GABRA4: variants seen among roughly 807,000 people sequenced by gnomAD.
GABRA4 encodes the protein gamma-aminobutyric acid receptor subunit alpha-4.
A neutral mutation model predicts 49.7 loss-of-function variants in GABRA4; 12 were observed. That is an observed-to-expected ratio of 0.24 (90% CI 0.15 to 0.39). The LOEUF is 0.39. Ranked by LOEUF, GABRA4 falls within the 10% of genes least tolerant of loss-of-function variation. The pLI is 1.00. For synonymous variants in GABRA4, 288 were observed against 240.2 expected, an observed-to-expected ratio of 1.20 and a Z score of -1.84; for missense variants, 506 against 686.0, an observed-to-expected ratio of 0.74 and a Z score of 2.93.
At chr4:46,970,736 G>A (rs1170064358) in intron 7 of GABRA4, among the ~76,000 whole-genome samples, 1 of 151,482 alleles carries the variant, frequency 6.6e-6, no homozygotes, top group African/African-American at 2.4e-5. Flanking sequence ...AGCTGCCAGT[G>A]CATTTCTTTT....
At chr4:46,974,503 GTCACTATAATTTAGT>G (rs960943208) in intron 5 of GABRA4, 128 bp from the exon 6 acceptor site, 9 of 904,346 alleles carry the variant, frequency 1.0e-5, no homozygotes, top group Admixed American at 3.3e-5. Flanking sequence ...CTATAATTTA[GTCACTATAATTTAGT>G]TCACTATAAT....
chr4:46,972,026 T>C (rs1722963704), intron 6 of GABRA4, among the ~76,000 whole-genome samples: 2 of 151,642 alleles, frequency 1.3e-5, no homozygotes, highest in African/African-American at 4.8e-5. Flanking sequence ...AGTGGCCTTA[T>C]TCACAAACCA....
intron 6 of GABRA4, among the ~76,000 whole-genome samples, chr4:46,971,989 A>G (rs1722962282): frequency 6.6e-6 from 1 of 151,754 alleles, no homozygotes; most frequent in South Asian, 2.1e-4. Context: ...TCTGAAAAGA[A>G]TATGTGAAGA....
chr4:46,970,036 C>T (rs1722895474), intron 7 of GABRA4, among the ~76,000 whole-genome samples: 1 of 151,284 alleles, frequency 6.6e-6, no homozygotes, highest in African/African-American at 2.4e-5. Context: ...CATACTCCAA[C>T]ACCTTCTTAG....
At position 46,970,481 on chromosome 4, in the gene GABRA4, T is replaced by A. The variant is rs1722911697; in HGVS notation, c.874+602A>T. ...AACTTATAAAAATTGTAAACTCATA[T>A]GCTCTGAACTTTATATTGTTCAGAA... On this transcript the variant is annotated intron_variant, in intron 7 of 8. Coordinates refer to ENST00000264318, the MANE Select transcript of GABRA4 (RefSeq NM_000809.4). Among the ~76,000 whole-genome samples the A allele has an allele frequency of 2.0e-5, 3 of 151,556 alleles. No homozygotes were observed. In the Admixed American group the frequency reaches 2.0e-4, roughly 10 times the overall value.
At chr4:46,965,880 C>A (rs541084776) in intron 7 of GABRA4, among the ~76,000 whole-genome samples, 2 of 151,762 alleles carry the variant, frequency 1.3e-5, no homozygotes, top group South Asian at 4.2e-4. Flanking sequence ...TATTACTGGA[C>A]GAATAGATTT....
At chr4:46,932,401 C>T (rs1721468228) in intron 8 of GABRA4, among the ~76,000 whole-genome samples, 1 of 152,040 alleles carries the variant, frequency 6.6e-6, no homozygotes, top group South Asian at 2.1e-4. Flanking sequence ...TCTCTACTCA[C>T]AAATGTGGAG....
At chr4:46,967,284 T>C (rs889475857) in intron 7 of GABRA4, among the ~76,000 whole-genome samples, 1 of 151,196 alleles carries the variant, frequency 6.6e-6, no homozygotes, top group African/African-American at 2.4e-5. Context: ...ACACACACCA[T>C]AGTGTGATAA....
intron 8 of GABRA4, among the ~76,000 whole-genome samples, chr4:46,964,709 T>TA (rs552126337): frequency 9.9e-5 from 15 of 151,564 alleles, no homozygotes; most frequent in Non-Finnish European, 1.9e-4. Flanking sequence ...CCCCTTTCTG[T>TA]AAAAAAAACC....
chr4:46,946,304 G>A (rs1483967951), intron 8 of GABRA4, among the ~76,000 whole-genome samples: 1 of 152,062 alleles, frequency 6.6e-6, no homozygotes, highest in African/African-American at 2.4e-5. Flanking sequence ...CTTCATTTAA[G>A]ACATTCAATT....
chr4:46,946,745 CG>C (rs1421787532), intron 8 of GABRA4, among the ~76,000 whole-genome samples: 1 of 151,996 alleles, frequency 6.6e-6, no homozygotes, highest in African/African-American at 2.4e-5. Flanking sequence ...AATAAATGTG[CG>C]TAAGTTGAGA....
chr4:46,921,611 T>C lies in GABRA4; in HGVS notation c.*6614A>G, dbSNP rs891549829. On this transcript the variant is annotated 3_prime_UTR_variant, in exon 9 of 9. Transcript: ENST00000264318. ...TGCTTGATTCCAGTGACATCTGATA[T>C]ACAGAAGGTAAAAGCCATGTAGCTC... The C allele has an allele frequency of 6.6e-6, 1 of 152,098 alleles. No individual in the cohort carries two copies. The highest frequency in any genetic ancestry group is 2.4e-5 in the African/African-American group (1 of 41,442). 9.4% of individuals were successfully genotyped at this position (152,098 alleles called of 1,614,324 possible). A position where few individuals can be genotyped will look rare whatever the true frequency, so the allele number is the denominator to read the frequency against.
chr4:46,966,780 A>T (rs1159858999), intron 7 of GABRA4, among the ~76,000 whole-genome samples: 1 of 151,846 alleles, frequency 6.6e-6, no homozygotes, highest in Admixed American at 6.6e-5. Context: ...CTGAGAATCC[A>T]TACAGAGAAA....
At chr4:46,987,671 T>C (rs1420316609) in intron 2 of GABRA4, among the ~76,000 whole-genome samples, 1 of 152,132 alleles carries the variant, frequency 6.6e-6, no homozygotes, top group Non-Finnish European at 1.5e-5. Flanking sequence ...TTAATCAACT[T>C]ACATATATCC....
chr4:46,986,309 C>T (rs1723535191), intron 2 of GABRA4, among the ~76,000 whole-genome samples: 1 of 152,086 alleles, frequency 6.6e-6, no homozygotes, highest in African/African-American at 2.4e-5. Flanking sequence ...ACACCCATCA[C>T]ACCACCAAAA....
At chr4:46,987,729 A>T (rs1723591672) in intron 2 of GABRA4, among the ~76,000 whole-genome samples, 1 of 152,102 alleles carries the variant, frequency 6.6e-6, no homozygotes, top group African/African-American at 2.4e-5. Flanking sequence ...TCAACTTAAG[A>T]GAACTAAAGC....
In GABRA4 at chr4:46,928,579, G is replaced by A. The variant is rs780869344; in HGVS notation, c.1311C>T (p.Ser437=). ...SYLASSPNPF[S]RANAAETISA... is the part of the protein sequence containing the mutation. ...ATATGGTTTCAGCTGCATTTGCACG[G>A]CTGAATGGGTTTGGACTGGAAGCTA... The change falls in exon 9 of 9, where the codon AGC becomes AGT. Residue 437 remains serine, a synonymous_variant. Coordinates refer to ENST00000264318, the MANE Select transcript of GABRA4 (RefSeq NM_000809.4). The A allele has an allele frequency of 1.2e-6, 2 of 1,613,710 alleles. No individual in the cohort carries two copies. Among genetic ancestry groups the A allele is most frequent in the South Asian group, 2.2e-5 (2 of 91,076 alleles).
chr4:46,935,056 C>A (rs1721563277), intron 8 of GABRA4, among the ~76,000 whole-genome samples: 1 of 152,130 alleles, frequency 6.6e-6, no homozygotes, highest in Non-Finnish European at 1.5e-5. Flanking sequence ...TGTGGTCATA[C>A]AAAGTGTTTA....
chr4:46,989,862 T>C (rs191876432), intron 2 of GABRA4, among the ~76,000 whole-genome samples: 9 of 152,356 alleles, frequency 5.9e-5, no homozygotes, highest in African/African-American at 2.2e-4. Flanking sequence ...ATTTTTAAAA[T>C]ACCAAACTTT....
Sources: gnomAD v4.1 joint callset for allele counts (sites outside exome capture counted in the v4.1 genomes callset) on GRCh38, gnomAD v4.1.1 for gene constraint, MANE v1.5 for transcripts, NCBI Gene and HGNC (gene_info 2026-07-23, HGNC 2026-07-21) for gene names.